The following XPO4 variants were observed in gnomAD, a reference collection of about 807,000 sequenced individuals.
The protein encoded by XPO4 is exportin 4.
Under a neutral mutation model 143.0 loss-of-function variants are expected in XPO4, and 39 were observed. The observed-to-expected ratio is 0.27, with a 90% CI of 0.21 to 0.36. The LOEUF (loss-of-function observed/expected upper bound fraction) is 0.36. XPO4 is among the 10% of genes least tolerant of loss of function. The pLI is 1.00. For synonymous variants in XPO4, 439 were observed against 474.0 expected (o/e 0.93, Z 0.96); for missense variants, 907 against 1,348.0 (o/e 0.67, Z 5.12).
At chr13:20,875,982 G>GCTCACGCCTGTAAT (rs1015635759) in intron 1 of XPO4, among the ~76,000 whole-genome samples, 4 of 151,726 alleles carry the variant, frequency 2.6e-5, no homozygotes, top group African/African-American at 9.7e-5. Flanking sequence ...AGGCGAGGTG[G>GCTCACGCCTGTAAT]CTCACGCCTG....
Position 20,856,343 on chromosome 13 carries a change from T to A in XPO4, c.318-578A>T, listed in dbSNP as rs991543748. 12 of 985,196 alleles carry A rather than the reference T, an allele frequency of 1.2e-5. No individual in the cohort carries two copies. The African/African-American group carries it at 1.7e-4, about 14-fold the overall frequency. The allele number at this position is 985,196 out of a possible 1,614,324, so 61.0% of individuals were successfully genotyped here. On this transcript the variant is annotated intron_variant, in intron 3 of 22. Transcript: ENST00000255305. ...CACACACACACAAACATTCAAAATG[T>A]TCATATCTAGGTTCTGTTCCTCCAT...
intron 1 of XPO4, chr13:20,879,073 A>G (rs539872995): frequency 6.2e-6 from 6 of 973,042 alleles, no homozygotes; most frequent in Middle Eastern, 5.2e-4. Context: ...CAGGGATCCA[A>G]AGATGAATGC....
At chr13:20,857,839 G>A (rs1160027836) in intron 3 of XPO4, 2 of 985,140 alleles carry the variant, frequency 2.0e-6, no homozygotes, top group Non-Finnish European at 2.4e-6. Context: ...TGACCACTAT[G>A]CTACACTTGC....
intron 13 of XPO4, among the ~76,000 whole-genome samples, chr13:20,802,353 C>A (rs1217482621): frequency 6.6e-6 from 1 of 152,142 alleles, no homozygotes; most frequent in Non-Finnish European, 1.5e-5. Context: ...CCACCATGCC[C>A]AACCTTCTTC....
chr13:20,813,186 ACC>A (rs148384285), intron 9 of XPO4, among the ~76,000 whole-genome samples: 27 of 150,608 alleles, frequency 1.8e-4, no homozygotes, highest in African/African-American at 6.1e-4. Context: ...TAATCCAATC[ACC>A]CCCCACCAGG....
intron 3 of XPO4, chr13:20,859,918 G>A: frequency 1.1e-6 from 1 of 916,872 alleles, no homozygotes; most frequent in Non-Finnish European, 1.3e-6. Flanking sequence ...AGAGTTCAGT[G>A]GTTCTCAGGT....
At chr13:20,850,470 G>T (rs965456638) in intron 4 of XPO4, among the ~76,000 whole-genome samples, 3 of 152,012 alleles carry the variant, frequency 2.0e-5, no homozygotes, top group African/African-American at 4.8e-5. Context: ...ACTAGTACAG[G>T]GAAATGGACC....
At chr13:20,859,822 AG>A in intron 3 of XPO4, 1 of 958,272 alleles carries the variant, frequency 1.0e-6, no homozygotes. Flanking sequence ...GGAAAAAAAA[AG>A]AATGCGATTA....
chr13:20,786,958 C>A lies in XPO4; in HGVS notation c.3258+7G>T. 1 of 1,553,498 alleles carries A rather than the reference C, an allele frequency of 6.4e-7. No homozygotes were observed. Among genetic ancestry groups the A allele is most frequent in the Non-Finnish European group, 8.7e-7 (1 of 1,147,676 alleles). ...AAGAGTCCCCTGAAAAGAGGCATGT[C>A]CAGTACCTGGTGCAAACACACCAAC... On this transcript the variant is annotated splice_region_variant and intron_variant, in intron 22 of 22. Transcript: ENST00000255305.
intron 1 of XPO4, among the ~76,000 whole-genome samples, chr13:20,884,734 A>G (rs1357817435): frequency 2.6e-5 from 4 of 151,828 alleles, no homozygotes; most frequent in Non-Finnish European, 4.4e-5. Context: ...TTTTAAAATG[A>G]TTCTACCTGG....
intron 9 of XPO4, among the ~76,000 whole-genome samples, chr13:20,814,585 C>T (rs2818990): frequency 0.29 from 44,321 of 152,176 alleles, 8,153 homozygotes; most frequent in East Asian, 0.8. Flanking sequence ...CCTAACCTAG[C>T]GCTTTTTCAT....
chr13:20,852,185 T>C (rs1595131788), intron 4 of XPO4: 2 of 985,448 alleles, frequency 2.0e-6, no homozygotes, highest in Non-Finnish European at 2.4e-6. Flanking sequence ...CATAAATAGA[T>C]AGATCTCAGA....
intron 1 of XPO4, 98 bp downstream of exon 1, chr13:20,902,572 C>T: frequency 7.2e-7 from 1 of 1,394,126 alleles, no homozygotes; most frequent in Non-Finnish European, 9.4e-7. Flanking sequence ...CCCTGCAGGC[C>T]CTTGCCAGTC....
chr13:20,881,808 A>G (rs138259939), intron 1 of XPO4, among the ~76,000 whole-genome samples: 139 of 152,102 alleles, frequency 9.1e-4, no homozygotes, highest in Middle Eastern at 3.4e-3. Context: ...GATTAGATAC[A>G]TCGGGGAAAA....
intron 4 of XPO4, chr13:20,849,790 G>A (rs1896989628): frequency 1.0e-6 from 1 of 985,170 alleles, no homozygotes; most frequent in Non-Finnish European, 1.2e-6. Context: ...CTAATGTGTT[G>A]GTTACCTATA....
intron 2 of XPO4, 165 bp from the exon 3 acceptor site, chr13:20,863,023 C>A (rs2060215795): frequency 7.3e-7 from 1 of 1,375,146 alleles, no homozygotes; most frequent in Non-Finnish European, 9.4e-7. Context: ...AGGTTAGTTC[C>A]TCTCAGAAGA....
chr13:20,847,615 T>C (rs905155391), intron 4 of XPO4, among the ~76,000 whole-genome samples: 1 of 152,198 alleles, frequency 6.6e-6, no homozygotes, highest in Non-Finnish European at 1.5e-5. Context: ...TACTGACCAG[T>C]ATCTTCAAGT....
chr13:20,843,229 C>T (rs976604248), intron 5 of XPO4, among the ~76,000 whole-genome samples, 181 bp from the exon 6 acceptor site: 29 of 152,130 alleles, frequency 1.9e-4, no homozygotes, highest in African/African-American at 6.8e-4. Flanking sequence ...TTTCAAGTGA[C>T]GCCAGATGGA....
In XPO4 at chr13:20,809,731, A is replaced by G. The variant is rs959963799; in HGVS notation, c.1350+60T>C. 6 of 1,505,054 alleles carry G rather than the reference A, an allele frequency of 4.0e-6. No homozygotes were observed. In the African/African-American group the frequency reaches 8.4e-5, roughly 21 times the overall value. The allele number at this position is 1,505,054 out of a possible 1,614,324, so 93.2% of individuals were successfully genotyped here. On this transcript the variant is annotated intron_variant, in intron 10 of 22. Coordinates refer to ENST00000255305, the MANE Select transcript of XPO4 (RefSeq NM_022459.5). Reference sequence around the variant, plus strand: ...TTTCTGGCATTATATAATGTGTAACATGGTAAAATATAGCCTATGATGAAA... The same window carrying G: ...TTTCTGGCATTATATAATGTGTAACGTGGTAAAATATAGCCTATGATGAAA...
Sources: gnomAD v4.1 joint callset for allele counts (sites outside exome capture counted in the v4.1 genomes callset) on GRCh38, gnomAD v4.1.1 for gene constraint, MANE v1.5 for transcripts, NCBI Gene and HGNC (gene_info 2026-07-23, HGNC 2026-07-21) for gene names.